The following ELOVL6 variants were observed in gnomAD, a reference collection of about 807,000 sequenced individuals.
ELOVL6 encodes ELOVL fatty acid elongase 6.
A neutral mutation model predicts 31.7 loss-of-function variants in ELOVL6; 8 were observed. The observed-to-expected ratio is 0.25, with a 90% CI of 0.15 to 0.45. The LOEUF is 0.45. Ranked by LOEUF, ELOVL6 falls within the 20% of genes least tolerant of loss-of-function variation. The probability of loss-of-function intolerance (pLI) is 1.00; values close to 1 mark genes in which losing one functional copy is unlikely to be tolerated. For missense variants in ELOVL6, 126 were observed against 326.4 expected, an observed-to-expected ratio of 0.39 and a Z score of 4.73; for synonymous variants, 101 against 117.7, an observed-to-expected ratio of 0.86 and a Z score of 0.92.
intron 2 of ELOVL6, among the ~76,000 whole-genome samples, chr4:110,103,031 G>T (rs1297104643): frequency 3.3e-5 from 5 of 152,068 alleles, no homozygotes. Flanking sequence ...AGATCTGATG[G>T]GCTTATCAGG....
intron 2 of ELOVL6, among the ~76,000 whole-genome samples, chr4:110,075,952 T>G (rs1755614096): frequency 2.0e-5 from 3 of 152,234 alleles, no homozygotes; most frequent in South Asian, 4.1e-4. Flanking sequence ...ATGAAAATGC[T>G]AAAATAACTT....
chr4:110,055,544 T>C (rs1445282897), intron 3 of ELOVL6, among the ~76,000 whole-genome samples: 1 of 152,164 alleles, frequency 6.6e-6, no homozygotes, highest in East Asian at 1.9e-4. Context: ...TATACCCAAG[T>C]GTCCCTTCTT....
At chr4:110,094,723 T>A in intron 2 of ELOVL6, among the ~76,000 whole-genome samples, 1 of 151,626 alleles carries the variant, frequency 6.6e-6, no homozygotes, top group Non-Finnish European at 1.5e-5. Flanking sequence ...CTACATAACA[T>A]CAGTCTTTGA....
chr4:110,139,472 A>C (rs948007621), intron 1 of ELOVL6, among the ~76,000 whole-genome samples: 2 of 152,160 alleles, frequency 1.3e-5, no homozygotes, highest in African/African-American at 4.8e-5. Flanking sequence ...TTTTGCTTAC[A>C]TATATAATTT....
chr4:110,158,842 G>T (rs1290866250), intron 1 of ELOVL6, among the ~76,000 whole-genome samples: 1 of 151,500 alleles, frequency 6.6e-6, no homozygotes, highest in Admixed American at 6.6e-5. Context: ...TGTATTTTTA[G>T]TAGAGATGGG....
chr4:110,097,785 C>A (rs1368478005), intron 2 of ELOVL6, among the ~76,000 whole-genome samples: 2 of 136,634 alleles, frequency 1.5e-5, no homozygotes, highest in South Asian at 4.8e-4. Flanking sequence ...CTGTCTTATA[C>A]TCTGCCTTCA....
At chr4:110,198,045 G>A (rs1759866868) in intron 1 of ELOVL6, 1 of 619,776 alleles carries the variant, frequency 1.6e-6, no homozygotes, top group Admixed American at 2.7e-5. Context: ...GGTTCACACA[G>A]GGGCACCCAC....
At chr4:110,110,049 C>T (rs984045708) in intron 1 of ELOVL6, among the ~76,000 whole-genome samples, 10 of 152,136 alleles carry the variant, frequency 6.6e-5, no homozygotes, top group African/African-American at 1.9e-4. Flanking sequence ...AAGAGTCTGA[C>T]GCTGAGACAG....
chr4:110,128,864 C>T (rs1358357921), intron 1 of ELOVL6, among the ~76,000 whole-genome samples: 3 of 152,160 alleles, frequency 2.0e-5, no homozygotes, highest in Non-Finnish European at 4.4e-5. Flanking sequence ...CAAGACAGAA[C>T]TTGTAAAGGA....
chr4:110,169,219 C>T (rs1758868207), intron 1 of ELOVL6, among the ~76,000 whole-genome samples: 1 of 149,386 alleles, frequency 6.7e-6, no homozygotes, highest in Admixed American at 6.8e-5. Flanking sequence ...CCGACCCCAA[C>T]AGAGTTTTGG....
intron 2 of ELOVL6, among the ~76,000 whole-genome samples, chr4:110,081,607 G>T (rs2126231858): frequency 6.6e-6 from 1 of 151,244 alleles, no homozygotes; most frequent in African/African-American, 2.4e-5. Context: ...ATGGATTAAA[G>T]ACTTAAATGT....
intron 3 of ELOVL6, among the ~76,000 whole-genome samples, chr4:110,056,011 T>C (rs2126220531): frequency 6.6e-6 from 1 of 152,068 alleles, no homozygotes; most frequent in East Asian, 1.9e-4. Flanking sequence ...AGCATTTCAG[T>C]TGGAGAAGAT....
chr4:110,186,731 G>A (rs545616137), intron 1 of ELOVL6, among the ~76,000 whole-genome samples: 2 of 147,552 alleles, frequency 1.4e-5, no homozygotes, highest in South Asian at 4.3e-4. Context: ...TTGAACCCAG[G>A]AGGTGGAGGT....
At chr4:110,171,801 C>T (rs531186882) in intron 1 of ELOVL6, among the ~76,000 whole-genome samples, 9 of 150,352 alleles carry the variant, frequency 6.0e-5, no homozygotes, top group Admixed American at 4.7e-4. Flanking sequence ...TCTTTCCTCC[C>T]ACCTCAGACT....
At chr4:110,077,676 G>C (rs1332967024) in intron 2 of ELOVL6, among the ~76,000 whole-genome samples, 2 of 152,122 alleles carry the variant, frequency 1.3e-5, no homozygotes, top group Non-Finnish European at 2.9e-5. Context: ...CTAAAAATCA[G>C]AGCACCTCTC....
chr4:110,132,490 T>G (rs1757696132), intron 1 of ELOVL6, among the ~76,000 whole-genome samples: 1 of 151,778 alleles, frequency 6.6e-6, no homozygotes, highest in Non-Finnish European at 1.5e-5. Context: ...AAGGGATGAT[T>G]TGTGGGTGGT....
intron 1 of ELOVL6, among the ~76,000 whole-genome samples, chr4:110,109,897 T>C (rs1212408176): frequency 5.9e-5 from 9 of 152,174 alleles, no homozygotes; most frequent in Non-Finnish European, 1.5e-5. Context: ...CTACATGGCC[T>C]TCATTATGGC....
At chr4:110,132,317 A>G (rs1757691593) in intron 1 of ELOVL6, among the ~76,000 whole-genome samples, 2 of 152,146 alleles carry the variant, frequency 1.3e-5, no homozygotes, top group African/African-American at 4.8e-5. Flanking sequence ...TCAAGAGAAG[A>G]TGCTTAAGGT....
intron 1 of ELOVL6, among the ~76,000 whole-genome samples, chr4:110,186,820 A>T (rs796897921): frequency 0.026 from 2,465 of 94,096 alleles, 29 homozygotes; most frequent in South Asian, 0.054. Flanking sequence ...AAAAAAAAAA[A>T]AAATATATAT....
Sources: allele counts gnomAD v4.1 joint callset (sites outside exome capture counted in the v4.1 genomes callset), GRCh38; gene constraint gnomAD v4.1.1; transcripts MANE v1.5; gene names NCBI Gene and HGNC (gene_info 2026-07-23, HGNC 2026-07-21).